Variants in FNDC1 observed in about 807,000 individuals in gnomAD.
FNDC1 encodes fibronectin type III domain containing 1.
A neutral mutation model predicts 168.0 loss-of-function variants in FNDC1; 96 were observed. The ratio of observed to expected loss-of-function variants is 0.57; its 90% CI spans 0.48 to 0.68. The LOEUF (loss-of-function observed/expected upper bound fraction) is 0.68, where lower values mean the gene tolerates loss of function less well. Among genes scored for constraint, FNDC1 ranks in the 30% least tolerant of loss-of-function variants. The pLI, the probability that FNDC1 is intolerant of heterozygous loss-of-function variation, is 0.00. For synonymous variants in FNDC1, 1,099 were observed against 1,025.9 expected, an observed-to-expected ratio of 1.07 and a Z score of -1.36; for missense variants, 2,587 against 2,482.1, an observed-to-expected ratio of 1.04 and a Z score of -0.90.
intron 1 of FNDC1, among the ~76,000 whole-genome samples, chr6:159,179,261 G>A (rs1374539117): frequency 1.3e-5 from 2 of 152,206 alleles, no homozygotes; most frequent in African/African-American, 4.8e-5. Flanking sequence ...TCAGGAGATC[G>A]AGACCAGCCT....
In FNDC1 at chr6:159,269,383, A is replaced by G. The variant is rs191528383; in HGVS notation, c.5569+1457A>G. On this transcript the variant is annotated intron_variant, in intron 22 of 22. Transcript: ENST00000297267. ...TAGGTATCCATCCATCTGCCCATCCATATATCTATCCATCTGTCTATGTAT... is the reference window on the plus strand; with the variant it reads ...TAGGTATCCATCCATCTGCCCATCCGTATATCTATCCATCTGTCTATGTAT... Among the ~76,000 whole-genome samples, 3 of 52,966 alleles carry G rather than the reference A, an allele frequency of 5.7e-5. 1 individual carries two copies. The highest frequency in any genetic ancestry group is 1.7e-4 in the African/African-American group (3 of 18,058). 34.7% of individuals were successfully genotyped at this position (52,966 alleles called of 152,430 possible).
intron 20 of FNDC1, among the ~76,000 whole-genome samples, chr6:159,265,428 G>A (rs1270336076): frequency 1.3e-5 from 2 of 152,130 alleles, no homozygotes; most frequent in Non-Finnish European, 2.9e-5. Context: ...CTATGCAGAG[G>A]GACCTGGGGA....
chr6:159,247,683 G>C lies in FNDC1; in HGVS notation c.4690+714G>C, dbSNP rs149914618. ...TGGATTGTTTTCAGCCCAGGAGTTC[G>C]AGCTATGATGGCACCACTGCACTCC... On this transcript the variant is annotated intron_variant, in intron 15 of 22. Transcript: ENST00000297267. Among the ~76,000 whole-genome samples the C allele has an allele frequency of 2.0e-5, 3 of 151,974 alleles. No homozygotes were observed. The East Asian group carries it at 5.9e-4, about 30-fold the overall frequency.
In FNDC1 at chr6:159,232,300, C is replaced by G; in HGVS notation, c.1788C>G (p.Gly596=). The change falls in exon 11 of 23, where the codon GGC becomes GGG. Residue 596 remains glycine (G), a synonymous_variant. Coordinates refer to ENST00000297267, the MANE Select transcript of FNDC1 (RefSeq NM_032532.3). This position sits in a 1 kb window ranked among gnomAD's most constrained non-coding sequence, Gnocchi z 4.9. ...TGCCAGCGCTGCCCCGAAGGGAAGG[C>G]GTAGATAAGCCTGGCTTTTCCCTGG... ...ARMPALPRRE[G]VDKPGFSLAT... is the part of the protein sequence containing the mutation. 6.2e-7 allele frequency: 1 copy of G among 1,612,266 alleles called. No homozygotes were observed. The highest frequency in any genetic ancestry group is 8.5e-7 in the Non-Finnish European group (1 of 1,179,254).
At chr6:159,218,318 C>G (rs958584873) in intron 5 of FNDC1, 4 of 152,160 alleles carry the variant, frequency 2.6e-5, no homozygotes, top group Admixed American at 6.5e-5. Flanking sequence ...CTGGGTGGAC[C>G]GGACAGCCTC....
In FNDC1 at chr6:159,232,791, G is replaced by T. The variant is rs771304162; in HGVS notation, c.2279G>T (p.Arg760Leu). ...GCCACCAACTCCAATGCGCCATCACGGTCCACCATGTCCTCCTCCGTCTCT... is the reference window on the plus strand; with the variant it reads ...GCCACCAACTCCAATGCGCCATCACTGTCCACCATGTCCTCCTCCGTCTCT... Reference protein sequence around the residue: ...APATNSNAPSRSTMSSSVSSH... With the variant: ...APATNSNAPSLSTMSSSVSSH... Residue 760 changes from arginine to leucine, a missense_variant, in exon 11 of 23, where the codon CGG becomes CTG. By Grantham distance (102) the Arg-to-Leu change is moderately radical. Coordinates refer to ENST00000297267, the MANE Select transcript of FNDC1 (RefSeq NM_032532.3). This position sits in a 1 kb window ranked among gnomAD's most constrained non-coding sequence, Gnocchi z 4.9. The T allele has an allele frequency of 6.2e-7, 1 of 1,613,912 alleles. No individual in the cohort carries two copies. The highest frequency in any genetic ancestry group is 1.7e-5 in the Admixed American group (1 of 60,020).
rs746251486 is a variant in FNDC1, at chr6:159,239,709, C to T, written c.4373C>T (p.Thr1458Met). 123 of 1,548,794 alleles carry T rather than the reference C, an allele frequency of 7.9e-5. 1 individual carries two copies. The highest frequency in any genetic ancestry group is 3.2e-4 in the South Asian group (27 of 83,940). ...ACCATGCAGCCCACCACTACTACGA[C>T]GCCCCTGCCTACCACTACAACCCCG... is the stretch of plus-strand genomic sequence containing the variant. The part of the protein sequence containing the change: ...TTTMQPTTTT[T>M]PLPTTTTPRP... The change falls in exon 14 of 23, where the codon ACG (threonine) becomes ATG (methionine). Residue 1458 changes from threonine (T) to methionine (M), a missense_variant. By Grantham distance (81) the Thr-to-Met change is moderately conservative. Coordinates refer to ENST00000297267, the MANE Select transcript of FNDC1 (RefSeq NM_032532.3).
intron 5 of FNDC1, among the ~76,000 whole-genome samples, chr6:159,220,703 C>T (rs1365101005): frequency 1.3e-5 from 2 of 152,082 alleles, no homozygotes; most frequent in African/African-American, 4.8e-5. Context: ...TTTTTTTCTT[C>T]AAGTGCAATG....
chr6:159,207,642 A>C (rs1189537545), intron 4 of FNDC1, among the ~76,000 whole-genome samples: 8 of 152,200 alleles, frequency 5.3e-5, no homozygotes, highest in Non-Finnish European at 8.8e-5. Flanking sequence ...TAAACTTATC[A>C]ACCTACTCAT....
intron 18 of FNDC1, among the ~76,000 whole-genome samples, chr6:159,257,765 G>A (rs1356624408): frequency 6.6e-6 from 1 of 152,134 alleles, no homozygotes; most frequent in African/African-American, 2.4e-5. Flanking sequence ...TTGGGATTTG[G>A]CAAATTAAAA....
At chr6:159,245,703 G>A (rs1429493220) in intron 14 of FNDC1, among the ~76,000 whole-genome samples, 3 of 151,186 alleles carry the variant, frequency 2.0e-5, no homozygotes, top group African/African-American at 7.3e-5. Flanking sequence ...TCACTCATAT[G>A]TTACTTATGC....
chr6:159,251,682 T>C (rs1777269000), intron 17 of FNDC1, 150 bp downstream of exon 17: 1 of 701,906 alleles, frequency 1.4e-6, no homozygotes, highest in Non-Finnish European at 2.4e-6. Flanking sequence ...GATGTCTTCC[T>C]TCAACTGGAT....
chr6:159,248,960 T>C (rs999470689), intron 15 of FNDC1, 79 bp from the exon 16 acceptor site: 2 of 1,382,150 alleles, frequency 1.4e-6, no homozygotes, highest in South Asian at 1.4e-5. Flanking sequence ...TACAGTTGAA[T>C]GTAAGAAGGT....
At chr6:159,181,241 C>T (rs1398699956) in intron 1 of FNDC1, among the ~76,000 whole-genome samples, 1 of 152,120 alleles carries the variant, frequency 6.6e-6, no homozygotes. Context: ...AGTGATGATT[C>T]CTTTTCAGTA....
chr6:159,232,139 G>A lies in FNDC1; in HGVS notation c.1627G>A (p.Glu543Lys). The part of the protein sequence containing the change: ...LDLQSTEITG[E>K]EELGSREDSP... ...TCTTCAGTCGACAGAAATCACTGGG[G>A]AGGAGGAGCTGGGTTCCCGGGAGGA... The change falls in exon 11 of 23, where the codon GAG becomes AAG. Residue 543 changes from glutamate to lysine, a missense_variant. Glu to Lys is a moderately conservative substitution (Grantham distance 56, BLOSUM62 1). Transcript: ENST00000297267. This position sits in a 1 kb window ranked among gnomAD's most constrained non-coding sequence, Gnocchi z 4.9. 2 of 1,614,000 alleles carry A rather than the reference G, an allele frequency of 1.2e-6. No individual in the cohort carries two copies. Among genetic ancestry groups the A allele is most frequent in the Non-Finnish European group, 8.5e-7 (1 of 1,179,892 alleles).
At chr6:159,196,940 T>C (rs1038410031) in intron 1 of FNDC1, among the ~76,000 whole-genome samples, 3 of 152,234 alleles carry the variant, frequency 2.0e-5, no homozygotes, top group Admixed American at 1.3e-4. Context: ...TGGTTTGTTT[T>C]CTTTGTGGAA....
At chr6:159,211,735 G>A (rs1236736639) in intron 4 of FNDC1, among the ~76,000 whole-genome samples, 2 of 152,164 alleles carry the variant, frequency 1.3e-5, no homozygotes, top group Non-Finnish European at 2.9e-5. Flanking sequence ...TACAGCATAT[G>A]TCAGGTATGG....
Position 159,169,693 on chromosome 6 carries a change from GC to G in FNDC1, c.98del (p.Ala33GlyfsTer9). 4 of 1,160,744 alleles carry G rather than the reference GC, an allele frequency of 3.4e-6. No individual in the cohort carries two copies. The highest frequency in any genetic ancestry group is 4.2e-6 in the Non-Finnish European group (4 of 942,348). The allele number at this position is 1,160,744 out of a possible 1,614,324, so 71.9% of individuals were successfully genotyped here. A position where few individuals can be genotyped will look rare whatever the true frequency, so the allele number is the denominator to read the frequency against. Reference sequence around the variant, plus strand: ...CGCGCTGCTCCCCGTCGCCTCCTCGGCGGCGGCCTCAGGTACGCGCCGCGCC... The same window carrying G: ...CGCGCTGCTCCCCGTCGCCTCCTCGGGGCGGCCTCAGGTACGCGCCGCGCC... ...LAALLPVASS[A>X]AASVDHPLKP... is the part of the protein sequence containing the mutation. On this transcript the variant is annotated frameshift_variant, in exon 1 of 23. Transcript: ENST00000297267. LOFTEE classifies it high-confidence loss of function. The surrounding 1 kb of genome is among the most constrained non-coding windows in gnomAD (Gnocchi z 6.8).
Position 159,225,553 on chromosome 6 carries a change from T to C in FNDC1, c.903T>C (p.Tyr301=). The part of the protein sequence containing the change: ...VVASRQYTVR[Y]REKGELARWD... ...CTTACAGACAGTACACCGTGCGCTA[T>C]CGAGAGAAGGGGGAATTGGCCAGGT... The change falls in exon 8 of 23, where the codon TAT becomes TAC. Residue 301 remains tyrosine, a synonymous_variant. Transcript: ENST00000297267. 1.2e-6 allele frequency: 2 copies of C among 1,613,482 alleles called. No individual in the cohort carries two copies.
Sources: allele counts gnomAD v4.1 joint callset (sites outside exome capture counted in the v4.1 genomes callset), GRCh38; gene constraint gnomAD v4.1.1; non-coding constraint Gnocchi (gnomAD v3.1); transcripts MANE v1.5; gene names NCBI Gene and HGNC (gene_info 2026-07-23, HGNC 2026-07-21).